QRSL1: variants seen among roughly 807,000 people sequenced by gnomAD.
The protein encoded by QRSL1 is glutaminyl-tRNA amidotransferase subunit QRSL1.
A neutral mutation model predicts 61.6 loss-of-function variants in QRSL1; 54 were observed. The ratio of observed to expected loss-of-function variants is 0.88; its 90% CI spans 0.70 to 1.10. The LOEUF (loss-of-function observed/expected upper bound fraction) is 1.10, where lower values mean the gene tolerates loss of function less well. Ranked by LOEUF, QRSL1 falls within the 50% of genes least tolerant of loss-of-function variation. The pLI, the probability that QRSL1 is intolerant of heterozygous loss-of-function variation, is 0.00. For synonymous variants in QRSL1, 228 were observed against 225.7 expected (o/e 1.01, Z -0.09); for missense variants, 505 against 622.6 (o/e 0.81, Z 2.01).
intron 1 of QRSL1, among the ~76,000 whole-genome samples, chr6:106,630,480 T>C (rs1776799597): frequency 6.6e-6 from 1 of 152,238 alleles, no homozygotes; most frequent in Non-Finnish European, 1.5e-5. Flanking sequence ...CTTGCAGATA[T>C]GGCTGGAATC....
chr6:106,643,953 C>A (rs925271731), intron 4 of QRSL1, among the ~76,000 whole-genome samples: 5 of 151,602 alleles, frequency 3.3e-5, no homozygotes, highest in African/African-American at 1.2e-4. Flanking sequence ...CTCGCTGCAG[C>A]CTCCGCCTCC....
At position 106,630,156 on chromosome 6, in the gene QRSL1, T is replaced by C. The variant is rs567247248; in HGVS notation, c.24+451T>C. On this transcript the variant is annotated intron_variant, in intron 1 of 10. Coordinates refer to ENST00000369046, the MANE Select transcript of QRSL1 (RefSeq NM_018292.5). The stretch of plus-strand genomic sequence containing the variant: ...AAGAATTCGTTCTCTAGGATTTACC[T>C]ACCACTAAGATACCAGTGATTTCCT... Among the ~76,000 whole-genome samples, 305 of 152,342 alleles carry C rather than the reference T, an allele frequency of 2.0e-3. 1 individual carries two copies. The highest frequency in any genetic ancestry group is 3.4e-3 in the Non-Finnish European group (232 of 68,032).
chr6:106,649,639 AAG>A (rs1356730211), intron 5 of QRSL1, among the ~76,000 whole-genome samples: 1 of 152,238 alleles, frequency 6.6e-6, no homozygotes, highest in Non-Finnish European at 1.5e-5. Context: ...TTTGAAAAAA[AAG>A]AAAAAATGCT....
At chr6:106,635,971 A>C (rs1394974743) in intron 1 of QRSL1, among the ~76,000 whole-genome samples, 2 of 152,226 alleles carry the variant, frequency 1.3e-5, no homozygotes, top group African/African-American at 4.8e-5. Context: ...ATAAATGCCA[A>C]AATGTCTTGC....
Position 106,629,647 on chromosome 6 carries a change from C to A in QRSL1, c.-35C>A, listed in dbSNP as rs1030688397. On this transcript the variant is annotated 5_prime_UTR_variant, in exon 1 of 11. It adds an upstream start codon to the 5' untranslated region. Coordinates refer to ENST00000369046, the MANE Select transcript of QRSL1 (RefSeq NM_018292.5). The stretch of plus-strand genomic sequence containing the variant: ...CCGGTGACCTCTTTTTCCCCCTTGC[C>A]TGGCTCCTGTGGTGGCAGGCTGGGC... 3 of 1,593,282 alleles carry A rather than the reference C, an allele frequency of 1.9e-6. No individual in the cohort carries two copies. The African/African-American group carries it at 4.0e-5, about 21-fold the overall frequency.
Position 106,654,808 on chromosome 6 carries a change from G to T in QRSL1, c.928G>T (p.Ala310Ser). 6.2e-7 allele frequency: 1 copy of T among 1,613,764 alleles called. No homozygotes were observed. Among genetic ancestry groups the T allele is most frequent in the Non-Finnish European group, 8.5e-7 (1 of 1,179,748 alleles). The change falls in exon 8 of 11, where the codon GCC (alanine) becomes TCC (serine). Residue 310 changes from alanine (A) to serine (S), a missense_variant. Transcript: ENST00000369046. ...TGCTGACCTCTTTGAGTCTGAGGGGGCCAAAGTAATTGAAGTATCCCTTCC... is the reference window on the plus strand; with the variant it reads ...TGCTGACCTCTTTGAGTCTGAGGGGTCCAAAGTAATTGAAGTATCCCTTCC... ...KAADLFESEGAKVIEVSLPHT... is the reference protein window; with the variant it reads ...KAADLFESEGSKVIEVSLPHT...
chr6:106,638,870 A>T (rs1776964015), intron 1 of QRSL1, among the ~76,000 whole-genome samples: 1 of 152,052 alleles, frequency 6.6e-6, no homozygotes, highest in Admixed American at 6.6e-5. Context: ...TCATTTGGAG[A>T]TTTTCCCCTC....
At chr6:106,663,963 A>G (rs1777397840) in intron 10 of QRSL1, among the ~76,000 whole-genome samples, 1 of 152,092 alleles carries the variant, frequency 6.6e-6, no homozygotes, top group Non-Finnish European at 1.5e-5. Context: ...TCACCACACA[A>G]ACAACTTTGT....
chr6:106,629,701 G>T lies in QRSL1; in HGVS notation c.20G>T (p.Arg7Leu). ...AGGACCATGCTGGGCCGGAGCCTCCGAGAAGTGAGTGGAATTGGCCCGCTG... is the reference window on the plus strand; with the variant it reads ...AGGACCATGCTGGGCCGGAGCCTCCTAGAAGTGAGTGGAATTGGCCCGCTG... MLGRSL[R>L]EVSAALKQGQ... Residue 7 changes from arginine to leucine, a missense_variant, in exon 1 of 11, where the codon CGA becomes CTA. Arg to Leu is a moderately radical substitution (Grantham distance 102, BLOSUM62 -2). Transcript: ENST00000369046. 6.2e-7 allele frequency: 1 copy of T among 1,606,392 alleles called. No individual in the cohort carries two copies. Among genetic ancestry groups the T allele is most frequent in the Non-Finnish European group, 8.5e-7 (1 of 1,177,058 alleles).
In QRSL1 at chr6:106,655,740, A is replaced by G. The variant is rs375529968; in HGVS notation, c.1160+8A>G. The G allele has an allele frequency of 5.2e-6, 8 of 1,529,634 alleles. No homozygotes were observed. The highest frequency in any genetic ancestry group is 6.3e-6 in the Non-Finnish European group (7 of 1,104,814). 94.8% of individuals were successfully genotyped at this position (1,529,634 alleles called of 1,614,324 possible). On this transcript the variant is annotated splice_region_variant and intron_variant, in intron 9 of 10. Coordinates refer to ENST00000369046, the MANE Select transcript of QRSL1 (RefSeq NM_018292.5). Reference sequence around the variant, plus strand: ...CTTTTTCTTATTAAAAGAGTAAGACAACTCATTTAGGAATTTTCTTCATTC... The same window carrying G: ...CTTTTTCTTATTAAAAGAGTAAGACGACTCATTTAGGAATTTTCTTCATTC...
At position 106,666,021 on chromosome 6, in the gene QRSL1, A is replaced by C; in HGVS notation, c.*19A>C. On this transcript the variant is annotated 3_prime_UTR_variant, in exon 11 of 11. Transcript: ENST00000369046. ...ACAGTAAACATATCTTACAAATTAA[A>C]ATGACTTTTAGGCTGGGTGCAGTGG... is the stretch of plus-strand genomic sequence containing the variant. The C allele has an allele frequency of 1.9e-6, 3 of 1,606,784 alleles. No individual in the cohort carries two copies. The highest frequency in any genetic ancestry group is 2.6e-6 in the Non-Finnish European group (3 of 1,174,100).
intron 9 of QRSL1, among the ~76,000 whole-genome samples, chr6:106,658,557 A>T (rs1195508018): frequency 2.0e-5 from 3 of 146,500 alleles, no homozygotes; most frequent in African/African-American, 7.5e-5. Context: ...CCATCTCTTT[A>T]AAAAAAAAAA....
At chr6:106,650,240 C>T (rs1371865957) in intron 5 of QRSL1, among the ~76,000 whole-genome samples, 1 of 152,120 alleles carries the variant, frequency 6.6e-6, no homozygotes, top group African/African-American at 2.4e-5. Flanking sequence ...CACATAATTC[C>T]TATGGAAATG....
At chr6:106,659,865 C>T (rs533157404) in intron 9 of QRSL1, among the ~76,000 whole-genome samples, 1 of 152,274 alleles carries the variant, frequency 6.6e-6, no homozygotes, top group East Asian at 1.9e-4. Context: ...TATTTCCGTC[C>T]CTGTTTGAGC....
intron 1 of QRSL1, among the ~76,000 whole-genome samples, chr6:106,633,607 C>G (rs1776871842): frequency 6.6e-6 from 1 of 151,840 alleles, no homozygotes; most frequent in African/African-American, 2.4e-5. Context: ...TAAATTTTAC[C>G]CAAGTACATT....
chr6:106,648,122 C>A (rs1306813023), intron 4 of QRSL1, among the ~76,000 whole-genome samples: 2 of 151,262 alleles, frequency 1.3e-5, no homozygotes, highest in African/African-American at 4.9e-5. Context: ...GTGGTGAAAC[C>A]CCGTCTCTAC....
intron 1 of QRSL1, among the ~76,000 whole-genome samples, chr6:106,637,301 A>G (rs1776940157): frequency 6.6e-6 from 1 of 152,230 alleles, no homozygotes; most frequent in African/African-American, 2.4e-5. Context: ...GAGAGTTGGC[A>G]ACTGGGGTGA....
At position 106,652,495 on chromosome 6, in the gene QRSL1, C is replaced by G; in HGVS notation, c.762C>G (p.Asp254Glu). ...LGALAGPDPR[D>E]STTVHEPINK... ...CACTGGCCGGACCTGACCCCAGGGA[C>G]TCTACCACAGTACATGAACCTATTA... Residue 254 changes from aspartate to glutamate, a missense_variant, in exon 7 of 11, where the codon GAC becomes GAG. By Grantham distance (45) the Asp-to-Glu change is conservative. Transcript: ENST00000369046. 1 of 1,614,226 alleles carries G rather than the reference C, an allele frequency of 6.2e-7. No individual in the cohort carries two copies. Among genetic ancestry groups the G allele is most frequent in the Non-Finnish European group, 8.5e-7 (1 of 1,180,048 alleles).
At chr6:106,643,635 G>A (rs1362241306) in intron 4 of QRSL1, among the ~76,000 whole-genome samples, 2 of 150,778 alleles carry the variant, frequency 1.3e-5, no homozygotes, top group Non-Finnish European at 2.9e-5. Context: ...AGCCGAGATC[G>A]CGCCATTGCA....
Sources: allele counts gnomAD v4.1 joint callset (sites outside exome capture counted in the v4.1 genomes callset), GRCh38; gene constraint gnomAD v4.1.1; transcripts MANE v1.5; gene names NCBI Gene and HGNC (gene_info 2026-07-23, HGNC 2026-07-21).